ZMYM1: variants seen among roughly 807,000 people sequenced by gnomAD.
ZMYM1 encodes the protein zinc finger MYM-type protein 1.
A neutral mutation model predicts 60.0 loss-of-function variants in ZMYM1; 39 were observed. The ratio of observed to expected loss-of-function variants is 0.65; its 90% CI spans 0.50 to 0.85. ZMYM1 has a LOEUF of 0.85. Among genes scored for constraint, ZMYM1 ranks in the 40% least tolerant of loss-of-function variants. ZMYM1 has a pLI of 0.00. For missense variants in ZMYM1, 1,171 were observed against 1,309.5 expected, an observed-to-expected ratio of 0.89 and a Z score of 1.63; for synonymous variants, 413 against 454.0, an observed-to-expected ratio of 0.91 and a Z score of 1.15.
intron 1 of ZMYM1, among the ~76,000 whole-genome samples, chr1:35,063,668 A>G (rs1049307522): frequency 2.0e-5 from 3 of 152,202 alleles, no homozygotes; most frequent in Admixed American, 1.3e-4. Context: ...CAACAAAAAA[A>G]TGTAGTCCAT....
At chr1:35,091,612 A>G (rs372154689) in intron 1 of ZMYM1, among the ~76,000 whole-genome samples, 1 of 151,926 alleles carries the variant, frequency 6.6e-6, no homozygotes, top group Admixed American at 6.6e-5. Flanking sequence ...GGTTGTGATC[A>G]TAGGCTGGGA....
At chr1:35,087,350 T>A (rs992176759) in intron 1 of ZMYM1, among the ~76,000 whole-genome samples, 1 of 152,094 alleles carries the variant, frequency 6.6e-6, no homozygotes, top group African/African-American at 2.4e-5. Flanking sequence ...ACTATTGTAC[T>A]AATTTTCCAG....
At chr1:35,067,227 C>T (rs1325295048) in intron 1 of ZMYM1, among the ~76,000 whole-genome samples, 2 of 152,070 alleles carry the variant, frequency 1.3e-5, no homozygotes, top group Non-Finnish European at 2.9e-5. Flanking sequence ...GATCTGTCCA[C>T]CTTGGCCTCT....
chr1:35,114,164 T>A lies in ZMYM1; in HGVS notation c.2334T>A (p.Ile778=), dbSNP rs370329112. ...CTCTCAGTTCTTTGTTCAACACTAT[T>A]TGTATGTCTGGGGAAATGTTGGCAA... is the stretch of plus-strand genomic sequence containing the variant. The part of the protein sequence containing the change: ...LKTLSSLFNT[I]CMSGEMLANF... The change falls in exon 10 of 10, where the codon ATT becomes ATA. Residue 778 remains isoleucine (I), a synonymous_variant. Coordinates refer to ENST00000359858, the MANE Select transcript of ZMYM1 (RefSeq NM_024772.5). 2.5e-6 allele frequency: 4 copies of A among 1,611,268 alleles called. No homozygotes were observed. Among genetic ancestry groups the A allele is most frequent in the Non-Finnish European group, 2.5e-6 (3 of 1,179,296 alleles).
upstream of ZMYM1, chr1:35,079,255 T>TC (rs1185420195): frequency 6.6e-6 from 1 of 152,118 alleles, no homozygotes; most frequent in African/African-American, 2.4e-5. Flanking sequence ...ACTCTTCCCC[T>TC]CCCCCTCTCC....
intron 1 of ZMYM1, among the ~76,000 whole-genome samples, chr1:35,091,977 GTGCAATGGCACAATCTTGGCTGAC>G (rs1410858503): frequency 1.3e-4 from 19 of 151,846 alleles, no homozygotes; most frequent in African/African-American, 4.6e-4. Context: ...CCAGGCTGGA[GTGCAATGGCACAATCTTGGCTGAC>G]TGCAACCTCT....
intron 4 of ZMYM1, among the ~76,000 whole-genome samples, chr1:35,102,641 T>G (rs1023408508): frequency 6.6e-6 from 1 of 152,200 alleles, no homozygotes; most frequent in Non-Finnish European, 1.5e-5. Context: ...CAAGAAAATA[T>G]CTGCAGATAC....
In ZMYM1 at chr1:35,101,349, T is replaced by TCCCAA. The variant is rs1643644634; in HGVS notation, c.420-2945_420-2944insCCAAC. Among the ~76,000 whole-genome samples the TCCCAA allele has an allele frequency of 4.6e-5, 7 of 150,692 alleles. No homozygotes were observed. The Admixed American group carries it at 4.7e-4, about 10-fold the overall frequency. On this transcript the variant is annotated intron_variant, in intron 4 of 9. Coordinates refer to ENST00000359858, the MANE Select transcript of ZMYM1 (RefSeq NM_024772.5). ...GTCTCCCAACTCCTGACCTCAGGTA[T>TCCCAA]CTGCCTGCCCCAGCCTCCCAGGATT...
intron 1 of ZMYM1, 109 bp from the exon 2 acceptor site, chr1:35,093,805 A>C (rs1643159666): frequency 2.4e-6 from 1 of 419,200 alleles, no homozygotes; most frequent in South Asian, 4.3e-5. Flanking sequence ...CTTTCAATGA[A>C]GGAACCTTGA....
At chr1:35,063,096 T>C (rs1641904157) in intron 1 of ZMYM1, among the ~76,000 whole-genome samples, 1 of 151,452 alleles carries the variant, frequency 6.6e-6, no homozygotes, top group South Asian at 2.1e-4. Flanking sequence ...AAAGATCAAA[T>C]GTGGGAGGTT....
chr1:35,083,129 A>T (rs1328252554), intron 1 of ZMYM1, among the ~76,000 whole-genome samples: 5 of 151,202 alleles, frequency 3.3e-5, no homozygotes, highest in African/African-American at 1.2e-4. Flanking sequence ...AAGATATTAC[A>T]TTGGCTTCTG....
chr1:35,090,640 G>A (rs182415857), intron 1 of ZMYM1, among the ~76,000 whole-genome samples: 5 of 152,256 alleles, frequency 3.3e-5, no homozygotes, highest in Admixed American at 6.5e-5. Context: ...CATGTGTGAT[G>A]GGAAAATAGA....
At position 35,104,278 on chromosome 1, in the gene ZMYM1, T is replaced by C. The variant is rs1351287118; in HGVS notation, c.420-17T>C. ...GTGTTTAAACTGTTTAATGATGTCC[T>C]TGTTATTTATTCTTAGAGACATTTT... On this transcript the variant is annotated splice_polypyrimidine_tract_variant and intron_variant, in intron 4 of 9. Transcript: ENST00000359858. The C allele has an allele frequency of 6.5e-7, 1 of 1,548,554 alleles. No individual in the cohort carries two copies. The highest frequency in any genetic ancestry group is 2.1e-5 in the Admixed American group (1 of 46,890).
intron 1 of ZMYM1, among the ~76,000 whole-genome samples, 153 bp downstream of exon 1, chr1:35,079,595 C>T (rs972599129): frequency 6.6e-6 from 1 of 152,112 alleles, no homozygotes; most frequent in Non-Finnish European, 1.5e-5. Flanking sequence ...AGATGGGGGT[C>T]GGGAACTCCG....
intron 2 of ZMYM1, 145 bp downstream of exon 2, chr1:35,094,228 G>A: frequency 1.7e-6 from 1 of 578,692 alleles, no homozygotes; most frequent in Non-Finnish European, 2.9e-6. Context: ...GGTATATGGT[G>A]TTAAGTGCCA....
At chr1:35,088,498 GTGTA>G (rs1249380790) in intron 1 of ZMYM1, among the ~76,000 whole-genome samples, 5 of 138,648 alleles carry the variant, frequency 3.6e-5, no homozygotes, top group East Asian at 2.1e-4. Context: ...GTGTGTGTGT[GTGTA>G]TGTACATATA....
chr1:35,063,490 TG>T (rs1202121159), intron 1 of ZMYM1, among the ~76,000 whole-genome samples: 1 of 152,030 alleles, frequency 6.6e-6, no homozygotes, highest in East Asian at 1.9e-4. Context: ...TTTTTAGAGA[TG>T]GGGTCTCACC....
Position 35,097,506 on chromosome 1 carries a change from A to G in ZMYM1, c.359A>G (p.Glu120Gly). The G allele has an allele frequency of 1.9e-6, 3 of 1,614,228 alleles. No individual in the cohort carries two copies. The highest frequency in any genetic ancestry group is 2.5e-6 in the Non-Finnish European group (3 of 1,180,036). ...TTCTGCTCCATACCATGCATCACTG[A>G]ATACATTTCATCTGCCAGTTCACCA... is the stretch of plus-strand genomic sequence containing the variant. ...QLFCSIPCIT[E>G]YISSASSPVP... The change falls in exon 4 of 10, where the codon GAA (glutamate) becomes GGA (glycine). Residue 120 changes from glutamate (E) to glycine (G), a missense_variant. Glu to Gly is a moderately conservative substitution (Grantham distance 98). Transcript: ENST00000359858.
chr1:35,116,811 G>A (rs1002411498), downstream of ZMYM1, among the ~76,000 whole-genome samples: 2 of 147,504 alleles, frequency 1.4e-5, no homozygotes, highest in Non-Finnish European at 3.0e-5. Flanking sequence ...AAAGAATTAA[G>A]TGGTATATAT....
Sources: allele counts gnomAD v4.1 joint callset (sites outside exome capture counted in the v4.1 genomes callset), GRCh38; gene constraint gnomAD v4.1.1; transcripts MANE v1.5; gene names NCBI Gene and HGNC (gene_info 2026-07-23, HGNC 2026-07-21).